The following NDST4 variants were observed in gnomAD, a reference collection of about 807,000 sequenced individuals.
The protein encoded by NDST4 is N-deacetylase and N-sulfotransferase 4.
In NDST4, 63 loss-of-function variants were observed where a neutral mutation model predicts 100.8. The observed-to-expected ratio is 0.62, with a 90% CI of 0.51 to 0.77. The LOEUF (loss-of-function observed/expected upper bound fraction) is 0.77, where lower values mean the gene tolerates loss of function less well. NDST4 is among the 30% of genes least tolerant of loss of function. The pLI, the probability that NDST4 is intolerant of heterozygous loss-of-function variation, is 0.00. For synonymous variants in NDST4, 377 were observed against 361.8 expected (o/e 1.04, Z -0.48); for missense variants, 943 against 1,018.4 (o/e 0.93, Z 1.01).
intron 6 of NDST4, among the ~76,000 whole-genome samples, chr4:114,928,747 G>A (rs750516746): frequency 5.9e-5 from 9 of 151,934 alleles, no homozygotes; most frequent in Non-Finnish European, 1.0e-4. Context: ...TTGAAGGCCC[G>A]AATAAAACAA....
At chr4:115,006,031 C>CAAAAAAAAA (rs33988343) in intron 2 of NDST4, among the ~76,000 whole-genome samples, 7 of 99,468 alleles carry the variant, frequency 7.0e-5, no homozygotes, top group African/African-American at 1.1e-4. Flanking sequence ...GACTCTATCT[C>CAAAAAAAAA]AAAAAAAAAA....
intron 3 of NDST4, 130 bp downstream of exon 3, chr4:114,977,057 G>T: frequency 4.8e-6 from 3 of 619,658 alleles, no homozygotes; most frequent in South Asian, 2.2e-5. Context: ...TTTGGATTTG[G>T]CTACTCAAAT....
At chr4:115,033,157 A>ATATATATATTTT (rs1491126767) in intron 2 of NDST4, among the ~76,000 whole-genome samples, 6 of 59,946 alleles carry the variant, frequency 1.0e-4, no homozygotes, top group African/African-American at 2.9e-4. Flanking sequence ...ATATATATAT[A>ATATATATATTTT]TTTTTTTTTT....
At chr4:114,939,714 G>A (rs78700903) in intron 4 of NDST4, among the ~76,000 whole-genome samples, 3 of 151,042 alleles carry the variant, frequency 2.0e-5, no homozygotes, top group Non-Finnish European at 2.9e-5. Flanking sequence ...CAATTGATTC[G>A]GTGAGTAGGA....
chr4:114,965,095 C>G (rs1170113741), intron 4 of NDST4, among the ~76,000 whole-genome samples: 2 of 152,072 alleles, frequency 1.3e-5, no homozygotes, highest in South Asian at 2.1e-4. Context: ...CATATTTGTT[C>G]ACAATTTTGT....
At chr4:114,905,633 T>A (rs1022140832) in intron 6 of NDST4, among the ~76,000 whole-genome samples, 2 of 152,002 alleles carry the variant, frequency 1.3e-5, no homozygotes, top group Non-Finnish European at 2.9e-5. Flanking sequence ...TCTTACTATG[T>A]GTAAATAAAC....
intron 6 of NDST4, among the ~76,000 whole-genome samples, chr4:114,922,917 T>C (rs867948374): frequency 3.3e-5 from 5 of 152,200 alleles, no homozygotes; most frequent in African/African-American, 1.2e-4. Context: ...TATGACTCTA[T>C]TTGTGTAAAC....
At chr4:114,873,296 C>A (rs1290973121) in intron 6 of NDST4, among the ~76,000 whole-genome samples, 2 of 151,224 alleles carry the variant, frequency 1.3e-5, no homozygotes, top group South Asian at 2.1e-4. Context: ...TTAAGTTAAA[C>A]CCCTTAAATT....
chr4:114,918,748 C>A (rs1332092611), intron 6 of NDST4, among the ~76,000 whole-genome samples: 1 of 152,096 alleles, frequency 6.6e-6, no homozygotes, highest in Non-Finnish European at 1.5e-5. Flanking sequence ...TTTGACCAAT[C>A]AGAAATGAAC....
chr4:115,094,359 T>C (rs775727721), intron 1 of NDST4, among the ~76,000 whole-genome samples: 3 of 152,070 alleles, frequency 2.0e-5, no homozygotes, highest in Admixed American at 6.6e-5. Context: ...CCTAACACAA[T>C]CTGTTGTCAG....
chr4:114,978,075 T>C (rs1726678039), intron 2 of NDST4, among the ~76,000 whole-genome samples: 1 of 152,042 alleles, frequency 6.6e-6, no homozygotes, highest in South Asian at 2.1e-4. Flanking sequence ...AGAACCCTTA[T>C]ATCCTTGGGC....
intron 7 of NDST4, among the ~76,000 whole-genome samples, chr4:114,858,941 G>T (rs1438111943): frequency 6.6e-6 from 1 of 152,192 alleles, no homozygotes; most frequent in African/African-American, 2.4e-5. Context: ...AGGGGTAATT[G>T]ACCCACATAA....
intron 2 of NDST4, among the ~76,000 whole-genome samples, chr4:115,057,748 AC>A (rs2126281969): frequency 6.7e-6 from 1 of 150,172 alleles, no homozygotes; most frequent in Non-Finnish European, 1.5e-5. Flanking sequence ...ACACACACAC[AC>A]ACACACACAC....
chr4:114,887,614 C>T (rs1316690102), intron 6 of NDST4, among the ~76,000 whole-genome samples: 1 of 152,132 alleles, frequency 6.6e-6, no homozygotes, highest in African/African-American at 2.4e-5. Flanking sequence ...ATACAAGGAT[C>T]CACTTAATAA....
chr4:114,912,397 G>A (rs1725080025), intron 6 of NDST4, among the ~76,000 whole-genome samples: 1 of 152,128 alleles, frequency 6.6e-6, no homozygotes. Context: ...GAGGAATGGA[G>A]ACTTCGTAAA....
intron 2 of NDST4, among the ~76,000 whole-genome samples, chr4:115,044,704 A>C (rs972209620): frequency 9.4e-5 from 13 of 138,612 alleles, no homozygotes; most frequent in Non-Finnish European, 1.8e-4. Flanking sequence ...GGAAGGAAAA[A>C]GGAAAAAAAA....
chr4:115,106,443 C>T (rs552672055), intron 1 of NDST4, among the ~76,000 whole-genome samples: 60 of 152,168 alleles, frequency 3.9e-4, no homozygotes, highest in African/African-American at 1.4e-3. Context: ...CCCTAACCCT[C>T]CAGGACCAAA....
At chr4:115,042,180 TG>T in intron 2 of NDST4, among the ~76,000 whole-genome samples, 1 of 152,236 alleles carries the variant, frequency 6.6e-6, no homozygotes, top group South Asian at 2.1e-4. Context: ...ATGAGTGTGA[TG>T]AAATATTGTG....
At chr4:115,064,708 A>G (rs1728895916) in intron 2 of NDST4, among the ~76,000 whole-genome samples, 1 of 152,132 alleles carries the variant, frequency 6.6e-6, no homozygotes, top group Non-Finnish European at 1.5e-5. Flanking sequence ...ATCTCAGTGC[A>G]TGAGACATTT....
Sources: gnomAD v4.1 joint callset for allele counts (sites outside exome capture counted in the v4.1 genomes callset) on GRCh38, gnomAD v4.1.1 for gene constraint, MANE v1.5 for transcripts, NCBI Gene and HGNC (gene_info 2026-07-23, HGNC 2026-07-21) for gene names.